RP1L1: variants seen among roughly 807,000 people sequenced by gnomAD.
RP1L1 encodes the protein retinitis pigmentosa 1-like 1 protein.
RP1L1 carries 27 observed loss-of-function variants against 15.7 expected under a neutral mutation model. That is an observed-to-expected ratio of 1.72 (90% confidence interval 1.27 to 2.38). The LOEUF is 2.38. Ranked by LOEUF, RP1L1 falls within the 30% of genes most tolerant of loss-of-function variation. RP1L1 has a pLI of 0.00. For missense variants in RP1L1, 4,798 were observed against 3,075.9 expected (o/e 1.56, Z -13.24); for synonymous variants, 1,813 against 1,276.7 (o/e 1.42, Z -8.96).
chr8:10,652,547 A>G (rs1486397666), intron 1 of RP1L1, among the ~76,000 whole-genome samples: 1 of 152,186 alleles, frequency 6.6e-6, no homozygotes, highest in Non-Finnish European at 1.5e-5. Context: ...GAAAGCTTCA[A>G]TGACTCGCCC....
chr8:10,609,537 C>G lies in RP1L1; in HGVS notation c.4561G>C (p.Val1521Leu). 1 of 1,606,506 alleles carries G rather than the reference C, an allele frequency of 6.2e-7. No homozygotes were observed. Among genetic ancestry groups the G allele is most frequent in the Non-Finnish European group, 8.5e-7 (1 of 1,177,580 alleles). The part of the protein sequence containing the change: ...ALDCDPIWVS[V>L]LLKKTEKAFL... The stretch of plus-strand genomic sequence containing the variant: ...GCCTTCTCCGTCTTCTTCAGTAACA[C>G]GGACACCCAGATGGGGTCGCAGTCC... The change falls in exon 4 of 4, where the codon GTG (valine) becomes CTG (leucine). Residue 1521 changes from valine (V) to leucine (L), a missense_variant. By Grantham distance (32) the Val-to-Leu change is conservative. Coordinates refer to ENST00000382483, the MANE Select transcript of RP1L1 (RefSeq NM_178857.6).
At chr8:10,618,501 C>A (rs1056464098) in intron 2 of RP1L1, among the ~76,000 whole-genome samples, 1 of 152,032 alleles carries the variant, frequency 6.6e-6, no homozygotes, top group East Asian at 1.9e-4. Context: ...AGTGAAACTC[C>A]ATCTCAAAAA....
intron 1 of RP1L1, among the ~76,000 whole-genome samples, chr8:10,641,955 G>T (rs1016926855): frequency 1.3e-5 from 2 of 152,166 alleles, no homozygotes; most frequent in Non-Finnish European, 2.9e-5. Context: ...GAGGGAAGTG[G>T]ATGTGGCTAT....
At chr8:10,654,153 T>A (rs1157015406) in intron 1 of RP1L1, among the ~76,000 whole-genome samples, 1 of 152,158 alleles carries the variant, frequency 6.6e-6, no homozygotes, top group Non-Finnish European at 1.5e-5. Flanking sequence ...CCCCTAAGCC[T>A]CGTTTTCTCC....
intron 2 of RP1L1, among the ~76,000 whole-genome samples, chr8:10,617,050 G>A (rs1035853977): frequency 3.9e-5 from 6 of 152,156 alleles, no homozygotes; most frequent in Non-Finnish European, 5.9e-5. Context: ...TACAGTCTGA[G>A]TCTGTTGCCT....
intron 1 of RP1L1, among the ~76,000 whole-genome samples, chr8:10,651,496 A>G (rs1798560634): frequency 6.6e-6 from 1 of 152,166 alleles, no homozygotes; most frequent in South Asian, 2.1e-4. Context: ...TGGGAGGCTG[A>G]GGTGGGCAGA....
At chr8:10,616,752 C>A (rs1331027484) in intron 2 of RP1L1, among the ~76,000 whole-genome samples, 165 bp from the exon 3 acceptor site, 1 of 152,194 alleles carries the variant, frequency 6.6e-6, no homozygotes, top group Non-Finnish European at 1.5e-5. Context: ...CCCATAACAC[C>A]TCTATCACTA....
chr8:10,636,424 A>C (rs1040551513), intron 1 of RP1L1, among the ~76,000 whole-genome samples: 1 of 152,158 alleles, frequency 6.6e-6, no homozygotes, highest in African/African-American at 2.4e-5. Context: ...GCCAGTCACC[A>C]TCCTCGGTAA....
intron 1 of RP1L1, among the ~76,000 whole-genome samples, chr8:10,654,533 C>G (rs182220201): frequency 1.3e-5 from 2 of 152,248 alleles, no homozygotes; most frequent in East Asian, 3.9e-4. Flanking sequence ...TCTCCCTCCT[C>G]TCCAAGAGCC....
chr8:10,622,646 A>C lies in RP1L1; in HGVS notation c.556T>G (p.Ser186Ala), dbSNP rs201308431. 60 of 1,614,072 alleles carry C rather than the reference A, an allele frequency of 3.7e-5. No individual in the cohort carries two copies. The Admixed American group carries it at 8.8e-4, about 24-fold the overall frequency. Residue 186 changes from serine to alanine, a missense_variant, in exon 2 of 4, where the codon TCA becomes GCA. By Grantham distance (99) the Ser-to-Ala change is moderately conservative (BLOSUM62 1). Coordinates refer to ENST00000382483, the MANE Select transcript of RP1L1 (RefSeq NM_178857.6). ...TTCACAGGAAAGCGCAGGAGATCTG[A>C]GGCTTTGCCGAGAAAGGCGGCCAGG... ...RNLAAFLGKA[S>A]DLLRFPVKQL...
chr8:10,641,530 C>T (rs1416291417), intron 1 of RP1L1, among the ~76,000 whole-genome samples: 1 of 152,140 alleles, frequency 6.6e-6, no homozygotes, highest in African/African-American at 2.4e-5. Context: ...AGAAAACACA[C>T]CAGAATTTTT....
At chr8:10,635,982 T>G (rs1798323414) in intron 1 of RP1L1, among the ~76,000 whole-genome samples, 1 of 152,112 alleles carries the variant, frequency 6.6e-6, no homozygotes, top group Admixed American at 6.5e-5. Flanking sequence ...CACAGGGAGC[T>G]GGGGTGGGGA....
rs567291401 is a variant in RP1L1, at chr8:10,616,948, C to T, written c.610-361G>A. Reference sequence around the variant, plus strand: ...ATTCCCTGAAGCAGCTGGAGCAGCACGCCCTCCAGCTCCCACAGCGGGGCC... The same window carrying T: ...ATTCCCTGAAGCAGCTGGAGCAGCATGCCCTCCAGCTCCCACAGCGGGGCC... On this transcript the variant is annotated intron_variant, in intron 2 of 3. Transcript: ENST00000382483. Among the ~76,000 whole-genome samples, 8 of 152,296 alleles carry T rather than the reference C, an allele frequency of 5.3e-5. No homozygotes were observed. The South Asian group carries it at 8.3e-4, about 16-fold the overall frequency.
At chr8:10,635,107 G>C (rs954083137) in intron 1 of RP1L1, among the ~76,000 whole-genome samples, 1 of 152,200 alleles carries the variant, frequency 6.6e-6, no homozygotes, top group Non-Finnish European at 1.5e-5. Flanking sequence ...GGAGGGAACA[G>C]GTAGAGGCTG....
chr8:10,609,178 G>A lies in RP1L1; in HGVS notation c.4920C>T (p.Ser1640=). 1.9e-6 allele frequency: 3 copies of A among 1,612,728 alleles called. No homozygotes were observed. Among genetic ancestry groups the A allele is most frequent in the Non-Finnish European group, 2.5e-6 (3 of 1,180,014 alleles). Residue 1640 remains serine (S), a synonymous_variant, in exon 4 of 4, where the codon AGC becomes AGT. Transcript: ENST00000382483. ...SFTLEDEPAL[S]TALGSQLGEE... ...CGCCCAGCTGGCTCCCCAGGGCTGT[G>A]CTGAGGGCTGGCTCGTCCTCCAGGG...
In RP1L1 at chr8:10,637,271, G is replaced by T. The variant is rs534161296; in HGVS notation, c.-19-14051C>A. ...GGCTTGGCCGCGGAATGCGCAGAGT[G>T]GCAAGGTCCTCTCACCCCAGAGCAG... On this transcript the variant is annotated intron_variant, in intron 1 of 3. Coordinates refer to ENST00000382483, the MANE Select transcript of RP1L1 (RefSeq NM_178857.6). 1.4e-4 allele frequency among the ~76,000 whole-genome samples: 21 copies of T among 152,278 alleles called. No individual in the cohort carries two copies. The East Asian group carries it at 3.9e-3, about 28-fold the overall frequency.
intron 1 of RP1L1, among the ~76,000 whole-genome samples, chr8:10,626,768 C>T (rs1798165322): frequency 6.6e-6 from 1 of 152,156 alleles, no homozygotes; most frequent in African/African-American, 2.4e-5. Flanking sequence ...GACAGAATGA[C>T]AAAAAGCGAA....
At chr8:10,646,470 T>C (rs1798479778) in intron 1 of RP1L1, among the ~76,000 whole-genome samples, 1 of 152,126 alleles carries the variant, frequency 6.6e-6, no homozygotes, top group African/African-American at 2.4e-5. Context: ...TGCCCGTTAT[T>C]GGAGCCCACG....
chr8:10,611,743 T>A lies in RP1L1; in HGVS notation c.2355A>T (p.Ser785=), dbSNP rs781650326. 1.5e-5 allele frequency: 24 copies of A among 1,613,438 alleles called. No homozygotes were observed. Among genetic ancestry groups the A allele is most frequent in the Non-Finnish European group, 2.0e-5 (24 of 1,179,952 alleles). ...PIPPHTSDSC[S]KSGAASLGEE... ...CCCCCAGGCTGGCAGCCCCAGATTTTGAGCAGGAGTCGGATGTGTGGGGAG... is the reference window on the plus strand; with the variant it reads ...CCCCCAGGCTGGCAGCCCCAGATTTAGAGCAGGAGTCGGATGTGTGGGGAG... Residue 785 remains serine, a synonymous_variant, in exon 4 of 4, where the codon TCA becomes TCT. Transcript: ENST00000382483.
Sources: gnomAD v4.1 joint callset for allele counts (sites outside exome capture counted in the v4.1 genomes callset) on GRCh38, gnomAD v4.1.1 for gene constraint, MANE v1.5 for transcripts, NCBI Gene and HGNC (gene_info 2026-07-23, HGNC 2026-07-21) for gene names.